Variants in R3HDM1 observed in about 807,000 individuals in gnomAD.
R3HDM1 encodes R3H domain-containing protein 1.
Under a neutral mutation model 141.1 loss-of-function variants are expected in R3HDM1, and 46 were observed. The ratio of observed to expected loss-of-function variants is 0.33; its 90% confidence interval spans 0.26 to 0.42. The LOEUF (loss-of-function observed/expected upper bound fraction) is 0.42, where lower values mean the gene tolerates loss of function less well. Among genes scored for constraint, R3HDM1 ranks in the 10% least tolerant of loss-of-function variants. R3HDM1 has a pLI of 1.00. For missense variants in R3HDM1, 1,184 were observed against 1,368.3 expected, an observed-to-expected ratio of 0.87 and a Z score of 2.12; for synonymous variants, 435 against 472.9, an observed-to-expected ratio of 0.92 and a Z score of 1.04.
intron 3 of R3HDM1, among the ~76,000 whole-genome samples, chr2:135,615,225 C>G (rs1231510409): frequency 6.7e-6 from 1 of 149,360 alleles, no homozygotes; most frequent in African/African-American, 2.5e-5. Context: ...ACAAGGAAGG[C>G]CTTTTTGAAA....
At chr2:135,706,769 G>T (rs2074981488) in intron 21 of R3HDM1, among the ~76,000 whole-genome samples, 1 of 152,200 alleles carries the variant, frequency 6.6e-6, no homozygotes, top group South Asian at 2.1e-4. Flanking sequence ...AGTCTCCCAT[G>T]TCTACCTCTT....
intron 1 of R3HDM1, among the ~76,000 whole-genome samples, chr2:135,585,496 CTTTG>C (rs1707687593): frequency 1.3e-5 from 2 of 152,140 alleles, no homozygotes; most frequent in South Asian, 4.1e-4. Flanking sequence ...AAAGTATGAT[CTTTG>C]TTTAACAAAA....
At chr2:135,582,542 C>T (rs979695040) in intron 1 of R3HDM1, among the ~76,000 whole-genome samples, 15 of 152,072 alleles carry the variant, frequency 9.9e-5, no homozygotes, top group African/African-American at 3.4e-4. Flanking sequence ...GACTCTGCTA[C>T]AGAATACCAC....
chr2:135,637,737 G>A (rs1335213426), intron 11 of R3HDM1, among the ~76,000 whole-genome samples: 4 of 152,120 alleles, frequency 2.6e-5, no homozygotes, highest in Admixed American at 2.0e-4. Context: ...AGATGACTTG[G>A]TCCTGAAGGT....
intron 1 of R3HDM1, among the ~76,000 whole-genome samples, chr2:135,592,191 C>T (rs978120414): frequency 3.3e-5 from 5 of 152,186 alleles, no homozygotes; most frequent in African/African-American, 1.2e-4. Context: ...TAAACTATAT[C>T]ATAGTAACCT....
chr2:135,713,980 T>A (rs2105448935), intron 23 of R3HDM1, among the ~76,000 whole-genome samples: 1 of 151,996 alleles, frequency 6.6e-6, no homozygotes, highest in Non-Finnish European at 1.5e-5. Context: ...TAATATAAAG[T>A]GATAAATGTA....
At chr2:135,603,833 C>T (rs2059824003) in intron 2 of R3HDM1, among the ~76,000 whole-genome samples, 1 of 152,200 alleles carries the variant, frequency 6.6e-6, no homozygotes, top group Non-Finnish European at 1.5e-5. Flanking sequence ...TTTTGAACTC[C>T]TGAGCTCAAG....
At chr2:135,709,284 A>C in intron 21 of R3HDM1, 149 bp from the exon 22 acceptor site, 1 of 1,023,030 alleles carries the variant, frequency 9.8e-7, no homozygotes, top group Non-Finnish European at 1.4e-6. Flanking sequence ...CGTATTAGCC[A>C]GGATGTTCTC....
intron 1 of R3HDM1, among the ~76,000 whole-genome samples, chr2:135,532,681 A>ACTGAAAGT (rs1695168177): frequency 6.6e-6 from 1 of 152,200 alleles, no homozygotes; most frequent in Admixed American, 6.5e-5. Context: ...TTAAAGTCAA[A>ACTGAAAGT]CTGAAAGTCT....
At chr2:135,603,108 A>G (rs1282245741) in intron 2 of R3HDM1, among the ~76,000 whole-genome samples, 1 of 152,072 alleles carries the variant, frequency 6.6e-6, no homozygotes, top group South Asian at 2.1e-4. Flanking sequence ...CAGCCTCCCA[A>G]GTAGCTGGGA....
At chr2:135,607,751 C>T (rs1339621970) in intron 3 of R3HDM1, 10 of 726,234 alleles carry the variant, frequency 1.4e-5, no homozygotes, top group Non-Finnish European at 1.7e-5. Context: ...CAGTAAGCCA[C>T]AAGAACATTC....
chr2:135,622,919 G>A, intron 7 of R3HDM1, 187 bp downstream of exon 7: 1 of 984,014 alleles, frequency 1.0e-6, no homozygotes. Flanking sequence ...ATATCTTTTT[G>A]CATTATGCAT....
At chr2:135,650,756 T>A in intron 17 of R3HDM1, 1 of 982,626 alleles carries the variant, frequency 1.0e-6, no homozygotes, top group Non-Finnish European at 1.2e-6. Context: ...GGCATCTCCT[T>A]TCAGTCCTTT....
chr2:135,607,405 A>C, intron 3 of R3HDM1: 1 of 880,206 alleles, frequency 1.1e-6, no homozygotes, highest in Non-Finnish European at 1.4e-6. Flanking sequence ...GCTATAAAAA[A>C]AGCATTTAGG....
chr2:135,616,510 G>C (rs1323921199), intron 4 of R3HDM1, among the ~76,000 whole-genome samples, 158 bp from the exon 5 acceptor site: 3 of 152,080 alleles, frequency 2.0e-5, no homozygotes. Flanking sequence ...CTTAACAAAG[G>C]CCTTCAGTAG....
intron 21 of R3HDM1, among the ~76,000 whole-genome samples, chr2:135,697,410 G>A (rs2073420542): frequency 6.6e-6 from 1 of 152,132 alleles, no homozygotes; most frequent in Non-Finnish European, 1.5e-5. Context: ...AAGTTTACCA[G>A]CATCTGCCTT....
intron 24 of R3HDM1, among the ~76,000 whole-genome samples, chr2:135,716,928 G>C (rs1025558042): frequency 1.3e-5 from 2 of 150,856 alleles, no homozygotes; most frequent in African/African-American, 2.4e-5. Flanking sequence ...CTCCAGCCTG[G>C]GCGACAGAGA....
intron 1 of R3HDM1, among the ~76,000 whole-genome samples, chr2:135,594,381 C>G (rs926047005): frequency 2.0e-5 from 3 of 152,138 alleles, no homozygotes; most frequent in African/African-American, 7.2e-5. Flanking sequence ...TATTATATAG[C>G]CAAGTAGCAT....
At chr2:135,571,256 C>A (rs1351481053) in intron 1 of R3HDM1, among the ~76,000 whole-genome samples, 1 of 151,838 alleles carries the variant, frequency 6.6e-6, no homozygotes, top group Non-Finnish European at 1.5e-5. Context: ...ATTCACAAAC[C>A]ATGTATCTGA....
Sources: gnomAD v4.1 joint callset for allele counts (sites outside exome capture counted in the v4.1 genomes callset) on GRCh38, gnomAD v4.1.1 for gene constraint, MANE v1.5 for transcripts, NCBI Gene and HGNC (gene_info 2026-07-23, HGNC 2026-07-21) for gene names.